Variants in CDH5 observed in about 807,000 individuals in gnomAD.
CDH5 encodes the protein cadherin 5.
A neutral mutation model predicts 62.0 loss-of-function variants in CDH5; 28 were observed. That is an observed-to-expected ratio of 0.45 (90% CI 0.33 to 0.62). The LOEUF (loss-of-function observed/expected upper bound fraction) is 0.62. CDH5 is among the 20% of genes least tolerant of loss of function. The pLI is 0.02. For synonymous variants in CDH5, 464 were observed against 445.8 expected (o/e 1.04, Z -0.52); for missense variants, 940 against 1,065.1 (o/e 0.88, Z 1.63).
rs138743927 is a variant in CDH5, at chr16:66,388,575, G to A, written c.616+135G>A. On this transcript the variant is annotated intron_variant, in intron 4 of 11. Coordinates refer to ENST00000341529, the MANE Select transcript of CDH5 (RefSeq NM_001795.5). ...TACTGAACCACACTGTACCATGGAA[G>A]TAGTCAGTATCATATGTAAAGACAA... 5.5e-3 allele frequency: 3,658 copies of A among 668,480 alleles called. 44 individuals are homozygous for A. Among genetic ancestry groups the A allele is most frequent in the South Asian group, 0.024 (1,358 of 56,842 alleles). 41.4% of individuals were successfully genotyped at this position (668,480 alleles called of 1,614,324 possible). A position where few individuals can be genotyped will look rare whatever the true frequency, so the allele number is the denominator to read the frequency against.
intron 2 of CDH5, among the ~76,000 whole-genome samples, chr16:66,381,637 G>A (rs7404333): frequency 0.59 from 89,016 of 152,048 alleles, 26,575 homozygotes; most frequent in East Asian, 0.81. Context: ...TCCAAGCACC[G>A]GACTGGGTGC....
intron 1 of CDH5, among the ~76,000 whole-genome samples, chr16:66,370,016 T>C (rs1280645694): frequency 6.8e-6 from 1 of 146,250 alleles, no homozygotes; most frequent in Non-Finnish European, 1.5e-5. Context: ...TTGTTTGTTT[T>C]TGAGACAGAG....
At chr16:66,402,569 AG>A in intron 11 of CDH5, 82 bp from the exon 12 acceptor site, 1 of 1,087,996 alleles carries the variant, frequency 9.2e-7, no homozygotes. Flanking sequence ...GTGGGGTTGC[AG>A]GGGGCAGTGG....
chr16:66,382,132 G>T (rs2142319850), intron 2 of CDH5, among the ~76,000 whole-genome samples: 1 of 152,344 alleles, frequency 6.6e-6, no homozygotes, highest in African/African-American at 2.4e-5. Flanking sequence ...GAAGGCCGGT[G>T]TGGCCCCAGG....
In CDH5 at chr16:66,386,887, G is replaced by A; in HGVS notation, c.289G>A (p.Ala97Thr). The A allele has an allele frequency of 6.2e-7, 1 of 1,614,234 alleles. No homozygotes were observed. The highest frequency in any genetic ancestry group is 1.1e-5 in the South Asian group (1 of 91,088). Residue 97 changes from alanine to threonine, a missense_variant, in exon 3 of 12, where the codon GCA (alanine) becomes ACA (threonine). Physicochemically the swap from Ala to Thr is moderately conservative, Grantham distance 58. Transcript: ENST00000341529. The stretch of plus-strand genomic sequence containing the variant: ...TGTGGGCAAGGTCTTCCGGGTCGAT[G>A]CAGAGACAGGAGACGTGTTCGCCAT... ...EYVGKVFRVD[A>T]ETGDVFAIER... is the part of the protein sequence containing the mutation.
chr16:66,376,113 TAAATAAATA>T (rs1960782350), intron 1 of CDH5, among the ~76,000 whole-genome samples: 1 of 42,870 alleles, frequency 2.3e-5, no homozygotes, highest in Admixed American at 3.7e-4. Context: ...GAAAAAATAA[TAAATAAATA>T]AATAAATAAA....
At chr16:66,384,777 C>T (rs1960955601) in intron 2 of CDH5, among the ~76,000 whole-genome samples, 1 of 151,742 alleles carries the variant, frequency 6.6e-6, no homozygotes, top group African/African-American at 2.4e-5. Context: ...ACCAGCCTGG[C>T]CAACATGGTG....
chr16:66,387,622 A>G (rs757519445), intron 3 of CDH5, among the ~76,000 whole-genome samples: 10 of 152,246 alleles, frequency 6.6e-5, no homozygotes, highest in African/African-American at 9.6e-5. Context: ...CATCAGAGGC[A>G]TATCTCACTA....
At chr16:66,368,585 C>T (rs1960629412) in intron 1 of CDH5, among the ~76,000 whole-genome samples, 1 of 152,210 alleles carries the variant, frequency 6.6e-6, no homozygotes, top group East Asian at 1.9e-4. Context: ...ATCTTAGGCT[C>T]ATTTTGCCCA....
chr16:66,369,970 C>T lies in CDH5; in HGVS notation c.-20+3212C>T, dbSNP rs146444228. Among the ~76,000 whole-genome samples the T allele has an allele frequency of 1.8e-3, 268 of 145,776 alleles. 2 individuals are homozygous for T. Among genetic ancestry groups the T allele is most frequent in the African/African-American group, 6.8e-3 (258 of 37,742 alleles). On this transcript the variant is annotated intron_variant, in intron 1 of 11. Coordinates refer to ENST00000341529, the MANE Select transcript of CDH5 (RefSeq NM_001795.5). ...CTGCTCAGGGGTGTTTGCATATTCACTGGAGACTTTTTTGTTTGTTTGTTT... is the reference window on the plus strand; with the variant it reads ...CTGCTCAGGGGTGTTTGCATATTCATTGGAGACTTTTTTGTTTGTTTGTTT...
intron 5 of CDH5, 129 bp from the exon 6 acceptor site, chr16:66,390,274 G>T (rs916887921): frequency 7.3e-5 from 50 of 683,804 alleles, no homozygotes; most frequent in Non-Finnish European, 1.1e-4. Flanking sequence ...AATCCCAGGG[G>T]TATTATTATT....
chr16:66,394,565 T>G (rs998498092), intron 7 of CDH5, among the ~76,000 whole-genome samples: 1 of 16,984 alleles, frequency 5.9e-5, no homozygotes, highest in Non-Finnish European at 1.4e-4. Flanking sequence ...TGTTTCTTTA[T>G]TTTTTTTTTC....
At chr16:66,369,308 T>C (rs1008777867) in intron 1 of CDH5, among the ~76,000 whole-genome samples, 4 of 152,076 alleles carry the variant, frequency 2.6e-5, no homozygotes, top group African/African-American at 9.7e-5. Flanking sequence ...AAGCGTAAGT[T>C]GGCCAGTCAA....
rs185970518 is a variant in CDH5 at position 66,367,381 on chromosome 16, C to T, written c.-20+623C>T. ...GGGCCTTTCCCTGCCCAAACACCAT[C>T]GGGGCCCACTATGTGTCAAGGGAGC... On this transcript the variant is annotated intron_variant, in intron 1 of 11. Transcript: ENST00000341529. Among the ~76,000 whole-genome samples, 268 of 152,334 alleles carry T rather than the reference C, an allele frequency of 1.8e-3. 2 individuals carry two copies. Among genetic ancestry groups the T allele is most frequent in the African/African-American group, 6.2e-3 (257 of 41,574 alleles).
intron 1 of CDH5, among the ~76,000 whole-genome samples, chr16:66,374,757 C>A (rs1295785061): frequency 6.6e-6 from 1 of 150,500 alleles, no homozygotes; most frequent in African/African-American, 2.4e-5. Flanking sequence ...TAGTTTTGAC[C>A]GTCTTCACCC....
chr16:66,383,305 T>A (rs969506413), intron 2 of CDH5, among the ~76,000 whole-genome samples: 1 of 152,100 alleles, frequency 6.6e-6, no homozygotes, highest in Admixed American at 6.5e-5. Flanking sequence ...TTATAACAAA[T>A]GCACCACATT....
chr16:66,381,258 G>T (rs1317576814), intron 2 of CDH5, among the ~76,000 whole-genome samples: 1 of 152,144 alleles, frequency 6.6e-6, no homozygotes, highest in Non-Finnish European at 1.5e-5. Context: ...CCTGTAATGA[G>T]GTACCTGACC....
At chr16:66,367,279 G>A (rs777810989) in intron 1 of CDH5, among the ~76,000 whole-genome samples, 27 of 152,230 alleles carry the variant, frequency 1.8e-4, no homozygotes, top group Non-Finnish European at 2.8e-4. Context: ...GGCCCCTCTC[G>A]GTCAGCCAGT....
intron 11 of CDH5, 79 bp downstream of exon 11, chr16:66,401,095 A>G: frequency 6.3e-7 from 1 of 1,587,228 alleles, no homozygotes; most frequent in Non-Finnish European, 8.6e-7. Flanking sequence ...GAGGCTTCAC[A>G]GGAAAAGTAG....
Sources: allele counts gnomAD v4.1 joint callset (sites outside exome capture counted in the v4.1 genomes callset), GRCh38; gene constraint gnomAD v4.1.1; transcripts MANE v1.5; gene names NCBI Gene and HGNC (gene_info 2026-07-23, HGNC 2026-07-21).